Variants in DNM2 observed in about 807,000 individuals in gnomAD.
The protein encoded by DNM2 is dynamin 2.
In DNM2, 15 loss-of-function variants were observed where a neutral mutation model predicts 99.0. That is an observed-to-expected ratio of 0.15 (90% CI 0.10 to 0.23). The LOEUF is 0.23. Ranked by LOEUF, DNM2 falls within the 10% of genes least tolerant of loss-of-function variation. The probability of loss-of-function intolerance (pLI) is 1.00; values close to 1 mark genes in which losing one functional copy is unlikely to be tolerated. For missense variants in DNM2, 742 were observed against 1,189.4 expected, an observed-to-expected ratio of 0.62 and a Z score of 5.53; for synonymous variants, 525 against 481.2, an observed-to-expected ratio of 1.09 and a Z score of -1.19.
intron 1 of DNM2, among the ~76,000 whole-genome samples, chr19:10,732,396 T>C (rs1277885853): frequency 1.3e-5 from 2 of 149,292 alleles, no homozygotes; most frequent in Admixed American, 6.6e-5. Flanking sequence ...GTCAGGAGAT[T>C]GAGACCATCC....
rs767325170 is a variant in DNM2, at chr19:10,797,523, C to T, written c.1335+5C>T. 2.5e-6 allele frequency: 4 copies of T among 1,613,562 alleles called. No homozygotes were observed. The South Asian group carries it at 4.4e-5, about 18-fold the overall frequency. ...ATAAAAAAGTGTGCCGAGAAGGTAA[C>T]AGGTTTTGTTCTCATCTCCGCATTT... is the stretch of plus-strand genomic sequence containing the variant. On this transcript the variant is annotated splice_donor_5th_base_variant and intron_variant, in intron 10 of 20. Transcript: ENST00000389253.
chr19:10,736,281 A>T (rs1442973442), intron 1 of DNM2, among the ~76,000 whole-genome samples: 1 of 150,394 alleles, frequency 6.6e-6, no homozygotes. Context: ...AAAAAAAAAG[A>T]AAAAAAGAAA....
intron 5 of DNM2, among the ~76,000 whole-genome samples, chr19:10,782,671 C>T (rs1389585040): frequency 1.3e-5 from 2 of 152,142 alleles, no homozygotes; most frequent in South Asian, 2.1e-4. Context: ...ATTTTTTTCT[C>T]ACCTATCTTT....
chr19:10,825,541 C>T (rs1316023135), intron 18 of DNM2, among the ~76,000 whole-genome samples: 4 of 152,128 alleles, frequency 2.6e-5, no homozygotes, highest in East Asian at 1.9e-4. Flanking sequence ...CGGTAGCTCA[C>T]GCCTGTAATC....
At chr19:10,777,383 T>C (rs2071189566) in intron 5 of DNM2, among the ~76,000 whole-genome samples, 167 bp downstream of exon 5, 1 of 152,150 alleles carries the variant, frequency 6.6e-6, no homozygotes, top group South Asian at 2.1e-4. Flanking sequence ...TTCTGATTTG[T>C]ATGCATTCGT....
At chr19:10,774,668 G>A (rs543808273) in intron 3 of DNM2, among the ~76,000 whole-genome samples, 6 of 150,942 alleles carry the variant, frequency 4.0e-5, no homozygotes, top group African/African-American at 1.2e-4. Flanking sequence ...TCAGGTGATC[G>A]CCTGCCTTGG....
chr19:10,821,864 G>A (rs1035418336), intron 16 of DNM2, among the ~76,000 whole-genome samples: 6 of 152,224 alleles, frequency 3.9e-5, no homozygotes, highest in Middle Eastern at 6.8e-3. Context: ...TGTCCAAAAT[G>A]GCTGCCCAGA....
At chr19:10,725,265 G>T (rs566801070) in intron 1 of DNM2, among the ~76,000 whole-genome samples, 1 of 152,208 alleles carries the variant, frequency 6.6e-6, no homozygotes, top group African/African-American at 2.4e-5. Flanking sequence ...GGCCAACATA[G>T]TGAATCCCGA....
At chr19:10,758,953 T>G (rs2070521603) in intron 1 of DNM2, among the ~76,000 whole-genome samples, 1 of 152,128 alleles carries the variant, frequency 6.6e-6, no homozygotes, top group African/African-American at 2.4e-5. Context: ...AGTCCTTTTT[T>G]TTTTCCCACA....
chr19:10,782,342 T>TTTTTCTTTTTC (rs2071406250), intron 5 of DNM2, among the ~76,000 whole-genome samples: 2 of 145,192 alleles, frequency 1.4e-5, no homozygotes, highest in Admixed American at 6.9e-5. Context: ...CCTTGAGATT[T>TTTTTCTTTTTC]TTTTTCTTTT....
At position 10,754,605 on chromosome 19, in the gene DNM2, T is replaced by A. The variant is rs535404256; in HGVS notation, c.162-5133T>A. ...ATTTTCTTGTCTTCTTCTTCTTCTT[T>A]TTTGGAGACAGTCTCCCTCTGTTGC... On this transcript the variant is annotated intron_variant, in intron 1 of 20. Coordinates refer to ENST00000389253, the MANE Select transcript of DNM2 (RefSeq NM_001005361.3). 2.0e-5 allele frequency among the ~76,000 whole-genome samples: 3 copies of A among 151,712 alleles called. No individual in the cohort carries two copies. In the East Asian group the frequency reaches 5.8e-4, roughly 29 times the overall value.
rs1173091380 is a variant in DNM2 at position 10,829,225 on chromosome 19, C to A, written c.2248C>A (p.Pro750Thr). 1 of 1,614,010 alleles carries A rather than the reference C, an allele frequency of 6.2e-7. No homozygotes were observed. The highest frequency in any genetic ancestry group is 8.5e-7 in the Non-Finnish European group (1 of 1,180,048). Reference sequence around the variant, plus strand: ...CAGCACTGTGTCCACGCCTGTACCCCCGCCTGTCGATGACACCTGGCTCCA... The same window carrying A: ...CAGCACTGTGTCCACGCCTGTACCCACGCCTGTCGATGACACCTGGCTCCA... Reference protein sequence around the residue: ...STSTVSTPVPPPVDDTWLQSA... With the variant: ...STSTVSTPVPTPVDDTWLQSA... The change falls in exon 19 of 21, where the codon CCG (proline) becomes ACG (threonine). Residue 750 changes from proline to threonine, a missense_variant. Around this residue, in one of 7 missense-constraint regions of DNM2, gnomAD observed 187 missense variants for 218.8 expected, o/e 0.85. Coordinates refer to ENST00000389253, the MANE Select transcript of DNM2 (RefSeq NM_001005361.3).
At chr19:10,773,637 T>A (rs187019831) in intron 3 of DNM2, among the ~76,000 whole-genome samples, 61 of 151,964 alleles carry the variant, frequency 4.0e-4, no homozygotes, top group African/African-American at 1.3e-3. Context: ...TTTTTTATTT[T>A]TTTTATTTTT....
intron 17 of DNM2, chr19:10,824,835 T>C: frequency 6.3e-6 from 4 of 633,064 alleles, no homozygotes; most frequent in African/African-American, 1.8e-5. Context: ...AAAACAACGT[T>C]CCAATGCCCA....
intron 6 of DNM2, among the ~76,000 whole-genome samples, chr19:10,785,594 C>T (rs917880377): frequency 6.6e-6 from 1 of 152,126 alleles, no homozygotes; most frequent in Non-Finnish European, 1.5e-5. Context: ...CCACACCTAG[C>T]TAATTTTTAA....
intron 3 of DNM2, among the ~76,000 whole-genome samples, chr19:10,774,820 A>G (rs1006382736): frequency 2.1e-5 from 3 of 146,030 alleles, no homozygotes; most frequent in Admixed American, 7.1e-5. Context: ...ACTGTTGGCC[A>G]AGCTGGAGTA....
At chr19:10,779,598 C>T (rs2145942787) in intron 5 of DNM2, among the ~76,000 whole-genome samples, 1 of 133,888 alleles carries the variant, frequency 7.5e-6, no homozygotes, top group South Asian at 2.6e-4. Context: ...GCCTTAAACT[C>T]CCAGGCTCAA....
In DNM2 at chr19:10,795,146, C is replaced by T. The variant is rs1006746849; in HGVS notation, c.1129-226C>T. Among the ~76,000 whole-genome samples the T allele has an allele frequency of 2.0e-5, 3 of 152,194 alleles. No homozygotes were observed. The highest frequency in any genetic ancestry group is 4.4e-5 in the Non-Finnish European group (3 of 68,046). On this transcript the variant is annotated intron_variant, in intron 8 of 20. Coordinates refer to ENST00000389253, the MANE Select transcript of DNM2 (RefSeq NM_001005361.3). This position sits in a 1 kb window ranked among gnomAD's most constrained non-coding sequence, Gnocchi z 4.2. ...ATGTTGCCCAGGCTGGTCTCAAACT[C>T]CTGGGCTCAAGCCATCTGCCTGCCT... is the stretch of plus-strand genomic sequence containing the variant.
intron 7 of DNM2, among the ~76,000 whole-genome samples, chr19:10,787,219 C>T (rs969818259): frequency 4.0e-5 from 6 of 151,862 alleles, no homozygotes; most frequent in African/African-American, 1.5e-4. Flanking sequence ...CTGTAATCCC[C>T]GTACTTTTGG....
Sources: allele counts gnomAD v4.1 joint callset (sites outside exome capture counted in the v4.1 genomes callset), GRCh38; gene constraint gnomAD v4.1.1; regional missense constraint gnomAD v4.1.1; non-coding constraint Gnocchi (gnomAD v3.1); transcripts MANE v1.5; gene names NCBI Gene and HGNC (gene_info 2026-07-23, HGNC 2026-07-21).